The following SUMF1 variants were observed in gnomAD, a reference collection of about 807,000 sequenced individuals.
SUMF1 encodes formylglycine-generating enzyme.
Under a neutral mutation model 47.6 loss-of-function variants are expected in SUMF1, and 48 were observed. That is an observed-to-expected ratio of 1.01 (90% CI 0.80 to 1.28). SUMF1 has a LOEUF of 1.28. SUMF1 is among the 50% of genes most tolerant of loss of function. The probability of loss-of-function intolerance (pLI) is 0.00; values close to 1 mark genes in which losing one functional copy is unlikely to be tolerated. For synonymous variants in SUMF1, 230 were observed against 192.1 expected, an observed-to-expected ratio of 1.20 and a Z score of -1.63; for missense variants, 571 against 485.4, an observed-to-expected ratio of 1.18 and a Z score of -1.66.
rs1370032842 is a variant in SUMF1 at position 4,446,896 on chromosome 3, C to T, written c.519+2370G>A. ...AAACCTGTAGAAGAGTCTTAAAAGA[C>T]ACAAATTTCCTTTAAATTAGCAAGA... On this transcript the variant is annotated intron_variant, in intron 3 of 8. Coordinates refer to ENST00000272902, the MANE Select transcript of SUMF1 (RefSeq NM_182760.4). Among the ~76,000 whole-genome samples, 3 of 152,180 alleles carry T rather than the reference C, an allele frequency of 2.0e-5. No homozygotes were observed. In the East Asian group the frequency reaches 5.8e-4, roughly 29 times the overall value.
At chr3:4,375,091 G>T (rs191177479) in intron 8 of SUMF1, among the ~76,000 whole-genome samples, 118 of 135,848 alleles carry the variant, frequency 8.7e-4, no homozygotes, top group African/African-American at 3.0e-3. Context: ...AGCTGTGATT[G>T]TGCCACTGCA....
At chr3:4,287,139 G>A (rs13060153) in intron 8 of SUMF1, among the ~76,000 whole-genome samples, 61,645 of 151,980 alleles carry the variant, frequency 0.41, 12,827 homozygotes, top group Non-Finnish European at 0.45. Flanking sequence ...CTGAGTTCTT[G>A]TATGTTTTCA....
rs143714233 is a variant in SUMF1 at position 4,059,350 on chromosome 3, T to C, written c.1191+9219A>G. Among the ~76,000 whole-genome samples the C allele has an allele frequency of 1.8e-3, 267 of 152,250 alleles. 2 individuals carry two copies. Among genetic ancestry groups the C allele is most frequent in the African/African-American group, 5.7e-3 (236 of 41,542 alleles). On this transcript the variant is annotated intron_variant and NMD_transcript_variant, in intron 9 of 12. Transcript: ENST00000448413. The stretch of plus-strand genomic sequence containing the variant: ...CTGCCCATTTCAACTGTCCCTTCTA[T>C]GCTCATAGGAGGAGGAAAAGAAGGC...
intron 3 of SUMF1, among the ~76,000 whole-genome samples, chr3:4,428,933 T>C (rs550191694): frequency 3.9e-5 from 6 of 152,226 alleles, no homozygotes; most frequent in Non-Finnish European, 7.3e-5. Context: ...TTATTGAATA[T>C]TTTTCTATGT....
At chr3:4,296,746 G>C (rs1697860893) in intron 8 of SUMF1, among the ~76,000 whole-genome samples, 1 of 152,016 alleles carries the variant, frequency 6.6e-6, no homozygotes. Flanking sequence ...CAAGAGCAAA[G>C]TAGCTAATTA....
chr3:4,422,773 T>C (rs1445715484), intron 3 of SUMF1, among the ~76,000 whole-genome samples: 1 of 152,002 alleles, frequency 6.6e-6, no homozygotes, highest in Admixed American at 6.5e-5. Flanking sequence ...CTTCCTTTTT[T>C]TTTTTAAAAA....
chr3:4,275,460 C>T (rs1034928209), intron 8 of SUMF1, among the ~76,000 whole-genome samples: 6 of 152,078 alleles, frequency 3.9e-5, no homozygotes, highest in Admixed American at 2.0e-4. Flanking sequence ...ATGGTCTCTT[C>T]TGGTGCATTC....
intron 8 of SUMF1, among the ~76,000 whole-genome samples, chr3:4,136,490 A>G (rs1421396620): frequency 6.6e-6 from 1 of 152,198 alleles, no homozygotes; most frequent in East Asian, 1.9e-4. Context: ...TTAAAGACTT[A>G]CATGTTAGAC....
At chr3:4,262,099 T>C (rs1439968708) in intron 8 of SUMF1, among the ~76,000 whole-genome samples, 1 of 152,112 alleles carries the variant, frequency 6.6e-6, no homozygotes, top group Non-Finnish European at 1.5e-5. Flanking sequence ...AGCCAAAATA[T>C]GTCTATGCCC....
intron 3 of SUMF1, among the ~76,000 whole-genome samples, chr3:4,421,339 C>T (rs909406654): frequency 2.6e-5 from 4 of 152,164 alleles, no homozygotes; most frequent in Admixed American, 2.6e-4. Flanking sequence ...GGACTTATGA[C>T]TATGCCCTTA....
chr3:4,269,617 G>T (rs984831437), intron 8 of SUMF1, among the ~76,000 whole-genome samples: 2 of 152,224 alleles, frequency 1.3e-5, no homozygotes, highest in Middle Eastern at 3.4e-3. Flanking sequence ...ACCAGAAGCG[G>T]GGGAAAGAAA....
At chr3:4,329,663 T>C (rs145987892) in intron 8 of SUMF1, among the ~76,000 whole-genome samples, 175 of 152,332 alleles carry the variant, frequency 1.1e-3, no homozygotes, top group South Asian at 2.3e-3. Flanking sequence ...GGACTTCTGA[T>C]ATGCCCTGGA....
chr3:4,264,293 A>T (rs1199709424), intron 8 of SUMF1, among the ~76,000 whole-genome samples: 1 of 152,182 alleles, frequency 6.6e-6, no homozygotes, highest in Non-Finnish European at 1.5e-5. Flanking sequence ...CCTCTGGGCC[A>T]GAGCCTGGAG....
chr3:4,296,668 C>A (rs572103249), intron 8 of SUMF1, among the ~76,000 whole-genome samples: 27 of 152,258 alleles, frequency 1.8e-4, no homozygotes, highest in African/African-American at 6.3e-4. Context: ...GTCCCTCCCA[C>A]GACACGTGCG....
intron 8 of SUMF1, among the ~76,000 whole-genome samples, chr3:4,197,874 G>A (rs79626077): frequency 2.0e-5 from 3 of 151,978 alleles, no homozygotes; most frequent in Non-Finnish European, 4.4e-5. Flanking sequence ...TGATCCATGG[G>A]GTATCCATTC....
intron 7 of SUMF1, among the ~76,000 whole-genome samples, chr3:4,407,937 G>C (rs576298870): frequency 6.6e-6 from 1 of 152,336 alleles, no homozygotes; most frequent in African/African-American, 2.4e-5. Context: ...ACTGGAAATA[G>C]ACTGGCCATT....
chr3:4,108,917 C>T (rs1404570014), intron 8 of SUMF1, among the ~76,000 whole-genome samples: 1 of 151,932 alleles, frequency 6.6e-6, no homozygotes. Context: ...GCATTTAGCC[C>T]ATTTACATTT....
chr3:4,355,328 G>A (rs1699594959), intron 8 of SUMF1, among the ~76,000 whole-genome samples: 1 of 152,204 alleles, frequency 6.6e-6, no homozygotes, highest in Non-Finnish European at 1.5e-5. Flanking sequence ...CTGCCCTCGG[G>A]CCTGGATGAC....
chr3:4,068,337 T>C (rs1695428032), intron 9 of SUMF1, among the ~76,000 whole-genome samples: 1 of 152,136 alleles, frequency 6.6e-6, no homozygotes, highest in Admixed American at 6.6e-5. Flanking sequence ...GCAATCTGTC[T>C]AATAGAAATA....
Sources: gnomAD v4.1 joint callset for allele counts (sites outside exome capture counted in the v4.1 genomes callset) on GRCh38, gnomAD v4.1.1 for gene constraint, MANE v1.5 for transcripts, NCBI Gene and HGNC (gene_info 2026-07-23, HGNC 2026-07-21) for gene names.